Variants in TMEM266 observed in about 807,000 individuals in gnomAD.
TMEM266 encodes transmembrane protein 266.
Under a neutral mutation model 50.5 loss-of-function variants are expected in TMEM266, and 33 were observed. The observed-to-expected ratio is 0.65, with a 90% CI of 0.50 to 0.87. The LOEUF (loss-of-function observed/expected upper bound fraction) is 0.87. TMEM266 is among the 40% of genes least tolerant of loss of function. The pLI, the probability that TMEM266 is intolerant of heterozygous loss-of-function variation, is 0.00. For missense variants in TMEM266, 655 were observed against 695.1 expected (o/e 0.94, Z 0.65); for synonymous variants, 310 against 292.3 (o/e 1.06, Z -0.62).
At chr15:76,200,197 C>A (rs935023665) in intron 9 of TMEM266, among the ~76,000 whole-genome samples, 5 of 152,180 alleles carry the variant, frequency 3.3e-5, no homozygotes, top group African/African-American at 1.2e-4. Context: ...TGCTCCACTT[C>A]CTTAGAGGTG....
At chr15:76,185,269 C>G (rs2038476443) in intron 8 of TMEM266, among the ~76,000 whole-genome samples, 1 of 152,188 alleles carries the variant, frequency 6.6e-6, no homozygotes, top group South Asian at 2.1e-4. Context: ...TTGATTATGT[C>G]TCACGTTTCT....
intron 9 of TMEM266, 109 bp from the exon 10 acceptor site, chr15:76,202,093 C>A: frequency 2.1e-6 from 2 of 936,312 alleles, no homozygotes; most frequent in Non-Finnish European, 3.2e-6. Flanking sequence ...ACACCAAGGG[C>A]TTCTGTGAGA....
chr15:76,087,439 A>G (rs993176178), intron 1 of TMEM266, among the ~76,000 whole-genome samples: 1 of 152,216 alleles, frequency 6.6e-6, no homozygotes, highest in African/African-American at 2.4e-5. Flanking sequence ...AAATTGGTAC[A>G]CAGGTTTTAG....
At chr15:76,099,370 C>T (rs1420497695) in intron 1 of TMEM266, among the ~76,000 whole-genome samples, 3 of 152,334 alleles carry the variant, frequency 2.0e-5, no homozygotes, top group Non-Finnish European at 4.4e-5. Context: ...GAGGCAACGC[C>T]CCACCCTGCT....
intron 1 of TMEM266, among the ~76,000 whole-genome samples, chr15:76,076,300 T>A (rs2036607582): frequency 6.6e-6 from 1 of 152,074 alleles, no homozygotes; most frequent in Non-Finnish European, 1.5e-5. Context: ...AGCTGAATGT[T>A]AAATATCTCA....
chr15:76,201,270 C>T (rs545173639), intron 9 of TMEM266, among the ~76,000 whole-genome samples: 1 of 152,286 alleles, frequency 6.6e-6, no homozygotes, highest in East Asian at 1.9e-4. Flanking sequence ...GAACAAGGCC[C>T]AGCTCTTAGG....
In TMEM266 at chr15:76,164,752, G is replaced by A. The variant is rs549829888; in HGVS notation, c.456+4584G>A. On this transcript the variant is annotated intron_variant, in intron 5 of 10. Coordinates refer to ENST00000388942, the MANE Select transcript of TMEM266 (RefSeq NM_152335.3). ...TCCTTAGACCAGCCTGCTCCCCTGA[G>A]CCACGCACCACCCTACGCCCCCAAC... Among the ~76,000 whole-genome samples the A allele has an allele frequency of 1.3e-3, 197 of 152,338 alleles. 2 individuals are homozygous for A. Among genetic ancestry groups the A allele is most frequent in the Non-Finnish European group, 1.0e-4 (7 of 68,032 alleles).
chr15:76,135,901 G>A (rs1419703948), intron 2 of TMEM266, among the ~76,000 whole-genome samples: 1 of 151,258 alleles, frequency 6.6e-6, no homozygotes, highest in Non-Finnish European at 1.5e-5. Flanking sequence ...AGAGAAGTAG[G>A]TATATTAATC....
intron 8 of TMEM266, among the ~76,000 whole-genome samples, chr15:76,179,863 A>C (rs1437207237): frequency 6.6e-6 from 1 of 152,188 alleles, no homozygotes; most frequent in East Asian, 1.9e-4. Context: ...CTGAGGCAGG[A>C]GGACTGCTTG....
At chr15:76,162,843 C>T (rs2038038989) in intron 5 of TMEM266, among the ~76,000 whole-genome samples, 1 of 152,354 alleles carries the variant, frequency 6.6e-6, no homozygotes, top group East Asian at 1.9e-4. Flanking sequence ...AGTACCACGT[C>T]TTCAGGTCTG....
chr15:76,096,894 T>C (rs1415552270), intron 1 of TMEM266, among the ~76,000 whole-genome samples: 1 of 151,742 alleles, frequency 6.6e-6, no homozygotes, highest in Non-Finnish European at 1.5e-5. Context: ...TTTGTTTCTT[T>C]AAAGTCTGTC....
At chr15:76,191,936 G>T (rs1233790535) in intron 8 of TMEM266, 32 bp from the exon 9 acceptor site, 2 of 1,539,268 alleles carry the variant, frequency 1.3e-6, no homozygotes, top group South Asian at 1.2e-5. Flanking sequence ...GCCCCTCGCC[G>T]CTGATTCAGC....
At chr15:76,177,651 G>C (rs1289506072) in intron 8 of TMEM266, among the ~76,000 whole-genome samples, 28 of 152,388 alleles carry the variant, frequency 1.8e-4, no homozygotes, top group Non-Finnish European at 1.5e-5. Flanking sequence ...CCCGAGAGCA[G>C]GGCAGGCTAT....
intron 8 of TMEM266, among the ~76,000 whole-genome samples, chr15:76,190,098 C>T (rs993238622): frequency 2.6e-5 from 4 of 152,206 alleles, no homozygotes; most frequent in Non-Finnish European, 4.4e-5. Flanking sequence ...ACAATAATAT[C>T]AGAAGGTGAT....
intron 7 of TMEM266, among the ~76,000 whole-genome samples, chr15:76,172,460 G>T (rs532839359): frequency 3.3e-5 from 5 of 152,228 alleles, no homozygotes; most frequent in African/African-American, 1.2e-4. Flanking sequence ...CATTTGCCAC[G>T]CAGGTGCAAG....
intron 3 of TMEM266, among the ~76,000 whole-genome samples, chr15:76,144,387 C>T (rs1336119728): frequency 6.6e-6 from 1 of 152,138 alleles, no homozygotes; most frequent in African/African-American, 2.4e-5. Flanking sequence ...TGTGTTCCTC[C>T]TCCCTTGCTC....
At chr15:76,171,270 C>A in intron 7 of TMEM266, 139 bp downstream of exon 7, 1 of 1,229,372 alleles carries the variant, frequency 8.1e-7, no homozygotes, top group Non-Finnish European at 1.1e-6. Flanking sequence ...GGAGAGGGGC[C>A]AGCTGTCCCT....
intron 1 of TMEM266, among the ~76,000 whole-genome samples, chr15:76,076,995 C>T (rs2036616721): frequency 1.3e-5 from 2 of 151,832 alleles, no homozygotes; most frequent in South Asian, 2.1e-4. Flanking sequence ...GACAAGGCCT[C>T]ACTCTGTCAC....
intron 8 of TMEM266, among the ~76,000 whole-genome samples, chr15:76,184,382 A>G (rs1167438118): frequency 6.6e-6 from 1 of 152,214 alleles, no homozygotes; most frequent in East Asian, 1.9e-4. Flanking sequence ...TTTATGGCCA[A>G]CTACCAGTCA....
Sources: gnomAD v4.1 joint callset for allele counts (sites outside exome capture counted in the v4.1 genomes callset) on GRCh38, gnomAD v4.1.1 for gene constraint, MANE v1.5 for transcripts, NCBI Gene and HGNC (gene_info 2026-07-23, HGNC 2026-07-21) for gene names.